The following ADCY10 variants were observed in gnomAD, a reference collection of about 807,000 sequenced individuals.
ADCY10 encodes adenylate cyclase 10, also known as adenylate cyclase type 10.
In ADCY10, 156 loss-of-function variants were observed where a neutral mutation model predicts 183.3. The observed-to-expected ratio is 0.85, with a 90% CI of 0.75 to 0.97. The LOEUF (loss-of-function observed/expected upper bound fraction) is 0.97, where lower values mean the gene tolerates loss of function less well. Among genes scored for constraint, ADCY10 ranks in the 50% least tolerant of loss-of-function variants. The probability of loss-of-function intolerance (pLI) is 0.00; values close to 1 mark genes in which losing one functional copy is unlikely to be tolerated. For synonymous variants in ADCY10, 645 were observed against 670.0 expected, an observed-to-expected ratio of 0.96 and a Z score of 0.58; for missense variants, 1,745 against 1,934.3, an observed-to-expected ratio of 0.90 and a Z score of 1.84.
chr1:167,839,477 TTACA>T (rs1453411265), intron 21 of ADCY10, among the ~76,000 whole-genome samples: 3 of 152,252 alleles, frequency 2.0e-5, no homozygotes. Context: ...GGCAAGCCTT[TTACA>T]TGAGAAATAC....
chr1:167,878,492 C>A lies in ADCY10; in HGVS notation c.1360G>T (p.Ala454Ser). ...TACTGATACAATGGTCCAGAATCTG[C>A]AACACCTTTCATAACTTTCTTTGGA... ...ELPKKVMKGVADSGPLYQYWG... is the reference protein window; with the variant it reads ...ELPKKVMKGVSDSGPLYQYWG... The change falls in exon 12 of 33, where the codon GCA (alanine) becomes TCA (serine). Residue 454 changes from alanine (A) to serine (S), a missense_variant. Coordinates refer to ENST00000367851, the MANE Select transcript of ADCY10 (RefSeq NM_018417.6). 1 of 1,614,192 alleles carries A rather than the reference C, an allele frequency of 6.2e-7. No individual in the cohort carries two copies. Among genetic ancestry groups the A allele is most frequent in the Middle Eastern group, 1.7e-4 (1 of 6,042 alleles).
chr1:167,820,206 C>T (rs546727290), intron 30 of ADCY10: 18 of 1,542,900 alleles, frequency 1.2e-5, no homozygotes, highest in Non-Finnish European at 1.6e-5. Flanking sequence ...GAGGCTGCGA[C>T]GGCTTCTCCT....
Position 167,878,475 on chromosome 1 carries a change from C to A in ADCY10, c.1377G>T (p.Leu459Phe). ...TCTCAGTACGGCCCCAATACTGATA[C>A]AATGGTCCAGAATCTGCAACACCTT... ...VMKGVADSGP[L>F]YQYWGRTEKV... Residue 459 changes from leucine to phenylalanine, a missense_variant, in exon 12 of 33, where the codon TTG becomes TTT. By Grantham distance (22) the Leu-to-Phe change is conservative (BLOSUM62 0). Transcript: ENST00000367851. 1 of 1,614,114 alleles carries A rather than the reference C, an allele frequency of 6.2e-7. No individual in the cohort carries two copies. Among genetic ancestry groups the A allele is most frequent in the Non-Finnish European group, 8.5e-7 (1 of 1,180,036 alleles).
chr1:167,833,920 A>G, intron 24 of ADCY10, 50 bp downstream of exon 24: 1 of 1,271,086 alleles, frequency 7.9e-7, no homozygotes. Context: ...CTTCTATGGA[A>G]AGGCCTAAGA....
rs1669471239 is a variant in ADCY10, at chr1:167,902,070, A to G, written c.254-16T>C. ...ATCAACACTTCTGAGAAAAAAAAAA[A>G]AAATTAAATCAAACCCTGATTCCTT... On this transcript the variant is annotated splice_polypyrimidine_tract_variant and intron_variant, in intron 3 of 32. Transcript: ENST00000367851. 2 of 1,612,612 alleles carry G rather than the reference A, an allele frequency of 1.2e-6. No homozygotes were observed. The highest frequency in any genetic ancestry group is 2.2e-5 in the East Asian group (1 of 44,890).
intron 13 of ADCY10, among the ~76,000 whole-genome samples, chr1:167,872,692 T>G (rs1478527305): frequency 6.6e-6 from 1 of 150,958 alleles, no homozygotes; most frequent in African/African-American, 2.4e-5. Flanking sequence ...TGTGTTTGGT[T>G]ATAGCTTGAA....
chr1:167,812,087 G>A (rs140500431), intron 31 of ADCY10, among the ~76,000 whole-genome samples: 20 of 152,288 alleles, frequency 1.3e-4, no homozygotes, highest in South Asian at 4.1e-4. Flanking sequence ...AAGAACCTGC[G>A]TACAACTTGT....
chr1:167,812,533 G>C (rs937143324), intron 31 of ADCY10, among the ~76,000 whole-genome samples: 1 of 152,192 alleles, frequency 6.6e-6, no homozygotes, highest in Non-Finnish European at 1.5e-5. Flanking sequence ...CCCTGGGGAA[G>C]AGGGAGAATT....
At chr1:167,809,865 A>G in intron 32 of ADCY10, 26 bp from the exon 33 acceptor site, 1 of 1,611,418 alleles carries the variant, frequency 6.2e-7, no homozygotes, top group Non-Finnish European at 8.5e-7. Context: ...CAGAACAAAG[A>G]AATCATTAGT....
rs117195592 is a variant in ADCY10, at chr1:167,835,669, C to T, written c.3309+640G>A. Among the ~76,000 whole-genome samples, 36 of 152,184 alleles carry T rather than the reference C, an allele frequency of 2.4e-4. 1 individual carries two copies. In the East Asian group the frequency reaches 6.4e-3, roughly 27 times the overall value. ...TTTGGAAGGCCAAGGAGGGCAGATC[C>T]CTTGAGCTCAGGTGTTCAAGACCAG... On this transcript the variant is annotated intron_variant, in intron 23 of 32. Transcript: ENST00000367851.
intron 18 of ADCY10, among the ~76,000 whole-genome samples, chr1:167,851,814 CAAA>C (rs58140966): frequency 3.9e-5 from 5 of 128,272 alleles, no homozygotes; most frequent in African/African-American, 8.0e-5. Flanking sequence ...CAGAGTGTCT[CAAA>C]AAAAAAAAAA....
intron 9 of ADCY10, among the ~76,000 whole-genome samples, chr1:167,882,188 T>A (rs959997668): frequency 6.6e-6 from 1 of 152,082 alleles, no homozygotes; most frequent in Non-Finnish European, 1.5e-5. Flanking sequence ...CTGAATTGAT[T>A]AAGAACAGAG....
Position 167,865,287 on chromosome 1 carries a change from T to C in ADCY10, c.1617-4224A>G, listed in dbSNP as rs574174517. On this transcript the variant is annotated intron_variant, in intron 14 of 32. Transcript: ENST00000367851. Reference sequence around the variant, plus strand: ...TTTAAGCAAGTTTTAAAATGTTAATTGTAAAAAAAAATTCTGTGTGTAAAC... The same window carrying C: ...TTTAAGCAAGTTTTAAAATGTTAATCGTAAAAAAAAATTCTGTGTGTAAAC... Among the ~76,000 whole-genome samples, 87 of 152,298 alleles carry C rather than the reference T, an allele frequency of 5.7e-4. No homozygotes were observed. The South Asian group carries it at 0.012, about 21-fold the overall frequency.
intron 26 of ADCY10, among the ~76,000 whole-genome samples, chr1:167,826,118 G>A (rs1403698139): frequency 6.6e-6 from 1 of 152,144 alleles, no homozygotes; most frequent in African/African-American, 2.4e-5. Context: ...TTATAGGCAG[G>A]TCCCTGGATA....
intron 22 of ADCY10, 161 bp downstream of exon 22, chr1:167,837,088 T>C (rs1249033290): frequency 4.3e-6 from 3 of 698,594 alleles, no homozygotes; most frequent in Non-Finnish European, 7.8e-6. Flanking sequence ...TAAAACCTAG[T>C]GTGGATACTA....
intron 1 of ADCY10, among the ~76,000 whole-genome samples, chr1:167,912,054 T>C (rs1020390743): frequency 1.3e-5 from 2 of 152,214 alleles, no homozygotes; most frequent in Admixed American, 6.5e-5. Context: ...TTTGAAGATA[T>C]AGTTTTCTGC....
intron 8 of ADCY10, among the ~76,000 whole-genome samples, chr1:167,888,031 A>G (rs1047869978): frequency 5.9e-5 from 9 of 152,138 alleles, no homozygotes; most frequent in Non-Finnish European, 1.2e-4. Context: ...CAATTTATTG[A>G]AGGGATTGTC....
chr1:167,829,133 T>C, intron 26 of ADCY10, 134 bp downstream of exon 26: 1 of 1,020,482 alleles, frequency 9.8e-7, no homozygotes, highest in Non-Finnish European at 1.5e-6. Flanking sequence ...ACTGCTGGCC[T>C]TGTCAAAACA....
At chr1:167,911,607 G>A (rs1670154722) in intron 1 of ADCY10, among the ~76,000 whole-genome samples, 1 of 152,244 alleles carries the variant, frequency 6.6e-6, no homozygotes. Context: ...CCAATGGGCA[G>A]TAGGGTGAAC....
Sources: gnomAD v4.1 joint callset for allele counts (sites outside exome capture counted in the v4.1 genomes callset) on GRCh38, gnomAD v4.1.1 for gene constraint, MANE v1.5 for transcripts, NCBI Gene and HGNC (gene_info 2026-07-23, HGNC 2026-07-21) for gene names.